The following TBC1D32 variants were observed in gnomAD, a reference collection of about 807,000 sequenced individuals.
The protein encoded by TBC1D32 is protein broad-minded.
Under a neutral mutation model 170.3 loss-of-function variants are expected in TBC1D32, and 151 were observed. The ratio of observed to expected loss-of-function variants is 0.89; its 90% CI spans 0.78 to 1.01. The LOEUF is 1.01. TBC1D32 is among the 50% of genes least tolerant of loss of function. The pLI is 0.00. For missense variants in TBC1D32, 1,464 were observed against 1,457.1 expected, an observed-to-expected ratio of 1.00 and a Z score of -0.08; for synonymous variants, 498 against 488.0, an observed-to-expected ratio of 1.02 and a Z score of -0.27.
intron 17 of TBC1D32, among the ~76,000 whole-genome samples, chr6:121,246,285 G>C (rs1282622709): frequency 6.6e-6 from 1 of 151,820 alleles, no homozygotes; most frequent in Non-Finnish European, 1.5e-5. Context: ...CATAACTAAA[G>C]AAATCACACC....
intron 22 of TBC1D32, among the ~76,000 whole-genome samples, chr6:121,169,568 G>A (rs1673569830): frequency 6.6e-6 from 1 of 152,086 alleles, no homozygotes; most frequent in South Asian, 2.1e-4. Context: ...ATTAGGACAC[G>A]CATTATTTCT....
At chr6:121,139,408 A>G (rs896542238) in intron 24 of TBC1D32, among the ~76,000 whole-genome samples, 14 of 152,198 alleles carry the variant, frequency 9.2e-5, no homozygotes, top group Non-Finnish European at 5.9e-5. Flanking sequence ...TTAAATCTTT[A>G]CTATTAGAAT....
Position 121,267,818 on chromosome 6 carries a change from C to A in TBC1D32, c.1733+11303G>T, listed in dbSNP as rs570135728. On this transcript the variant is annotated intron_variant, in intron 15 of 31. Coordinates refer to ENST00000398212, the MANE Select transcript of TBC1D32 (RefSeq NM_152730.6). ...TGGGTCCCTCCCTCCTCAAGTGGGT[C>A]CCTGTCTCCCAAGTAGCCTAACTGG... 2.6e-5 allele frequency among the ~76,000 whole-genome samples: 4 copies of A among 152,254 alleles called. No individual in the cohort carries two copies. The East Asian group carries it at 7.7e-4, about 29-fold the overall frequency.
intron 1 of TBC1D32, among the ~76,000 whole-genome samples, chr6:121,324,999 C>T (rs1240381554): frequency 6.6e-6 from 1 of 152,122 alleles, no homozygotes; most frequent in Admixed American, 6.5e-5. Flanking sequence ...CACCAGAGGT[C>T]AGGAGTTCAA....
intron 24 of TBC1D32, among the ~76,000 whole-genome samples, chr6:121,149,011 T>G (rs990213912): frequency 6.6e-6 from 1 of 151,734 alleles, no homozygotes; most frequent in Admixed American, 6.5e-5. Context: ...TGGCCAGTGA[T>G]GATGAGCTAT....
intron 22 of TBC1D32, among the ~76,000 whole-genome samples, chr6:121,185,977 A>G (rs141194746): frequency 1.3e-5 from 2 of 152,180 alleles, no homozygotes; most frequent in African/African-American, 4.8e-5. Context: ...CTAGAAACCA[A>G]TGTATGATGT....
chr6:121,108,190 TTTCATGCC>T (rs1778878839), intron 29 of TBC1D32, among the ~76,000 whole-genome samples: 2 of 152,122 alleles, frequency 1.3e-5, no homozygotes, highest in African/African-American at 4.8e-5. Context: ...TTAATTACCA[TTTCATGCC>T]TCTATTTTAC....
intron 12 of TBC1D32, among the ~76,000 whole-genome samples, chr6:121,288,540 C>G (rs918005960): frequency 3.3e-5 from 5 of 152,076 alleles, no homozygotes; most frequent in African/African-American, 7.2e-5. Flanking sequence ...AAGTCCAGGA[C>G]CAGATGGATT....
chr6:121,296,089 T>C (rs1338398208), intron 10 of TBC1D32, among the ~76,000 whole-genome samples: 1 of 152,148 alleles, frequency 6.6e-6, no homozygotes, highest in Non-Finnish European at 1.5e-5. Flanking sequence ...GAGTTTCTAA[T>C]GAGCTTCCCT....
intron 31 of TBC1D32, among the ~76,000 whole-genome samples, chr6:121,085,969 T>C (rs980766058): frequency 1.3e-5 from 2 of 152,052 alleles, no homozygotes; most frequent in Admixed American, 1.3e-4. Flanking sequence ...TACTATTACA[T>C]GATATCTTAA....
intron 22 of TBC1D32, among the ~76,000 whole-genome samples, chr6:121,175,526 G>C (rs1280289466): frequency 6.6e-6 from 1 of 152,166 alleles, no homozygotes; most frequent in Non-Finnish European, 1.5e-5. Context: ...GATAAAAAGA[G>C]AGTTTAATAT....
At chr6:121,189,720 T>G (rs1312336043) in intron 22 of TBC1D32, among the ~76,000 whole-genome samples, 1 of 151,912 alleles carries the variant, frequency 6.6e-6, no homozygotes, top group African/African-American at 2.4e-5. Context: ...AAAACACAAC[T>G]AGCATAACCT....
intron 21 of TBC1D32, among the ~76,000 whole-genome samples, chr6:121,208,729 G>A (rs1279356544): frequency 1.0e-4 from 9 of 86,910 alleles, no homozygotes; most frequent in Admixed American, 4.4e-4. Flanking sequence ...GAAACACCTG[G>A]AAAAAAAAAA....
intron 12 of TBC1D32, among the ~76,000 whole-genome samples, chr6:121,285,876 AG>A (rs1213116801): frequency 6.6e-6 from 1 of 152,216 alleles, no homozygotes. Flanking sequence ...CCAGGCAAAC[AG>A]GGTCTGGAGT....
At chr6:121,090,799 C>G (rs1203500656) in intron 31 of TBC1D32, 54 bp downstream of exon 31, 1 of 1,524,472 alleles carries the variant, frequency 6.6e-7, no homozygotes, top group African/African-American at 1.4e-5. Flanking sequence ...TAATATTAAG[C>G]AACCAAAGTT....
At chr6:121,123,746 A>C (rs928953271) in intron 26 of TBC1D32, among the ~76,000 whole-genome samples, 8 of 152,138 alleles carry the variant, frequency 5.3e-5, no homozygotes, top group Admixed American at 3.3e-4. Context: ...TACTATTAAT[A>C]ATAACCATTT....
intron 21 of TBC1D32, among the ~76,000 whole-genome samples, chr6:121,218,305 T>C (rs1794081742): frequency 6.6e-6 from 1 of 152,176 alleles, no homozygotes; most frequent in South Asian, 2.1e-4. Context: ...TGTCAAATAT[T>C]CCAAAGTGGT....
intron 20 of TBC1D32, among the ~76,000 whole-genome samples, chr6:121,231,229 T>G (rs1479621488): frequency 6.6e-6 from 1 of 152,056 alleles, no homozygotes; most frequent in African/African-American, 2.4e-5. Flanking sequence ...ACCTTATGTT[T>G]TTGTTTGCTT....
At chr6:121,109,642 T>C (rs1345088584) in intron 29 of TBC1D32, among the ~76,000 whole-genome samples, 2 of 152,086 alleles carry the variant, frequency 1.3e-5, no homozygotes, top group East Asian at 3.9e-4. Context: ...ATTTACAAAG[T>C]TTTTTTCTTA....
Sources: gnomAD v4.1 joint callset for allele counts (sites outside exome capture counted in the v4.1 genomes callset) on GRCh38, gnomAD v4.1.1 for gene constraint, MANE v1.5 for transcripts, NCBI Gene and HGNC (gene_info 2026-07-23, HGNC 2026-07-21) for gene names.